RPS6KC1: variants seen among roughly 807,000 people sequenced by gnomAD.
The protein encoded by RPS6KC1 is ribosomal protein S6 kinase C1.
A neutral mutation model predicts 103.8 loss-of-function variants in RPS6KC1; 54 were observed. That is an observed-to-expected ratio of 0.52 (90% CI 0.42 to 0.65). RPS6KC1 has a LOEUF of 0.65. RPS6KC1 is among the 30% of genes least tolerant of loss of function. The pLI, the probability that RPS6KC1 is intolerant of heterozygous loss-of-function variation, is 0.00. For synonymous variants in RPS6KC1, 439 were observed against 438.7 expected (o/e 1.00, Z -0.01); for missense variants, 1,151 against 1,253.8 (o/e 0.92, Z 1.24).
chr1:213,424,820 T>C, the RPS6KC1 span, among the ~76,000 whole-genome samples: 1 of 152,226 alleles, frequency 6.6e-6, no homozygotes, highest in Non-Finnish European at 1.5e-5. Flanking sequence ...CCCATCCTTC[T>C]TCCCTACCTG....
the RPS6KC1 span, among the ~76,000 whole-genome samples, chr1:213,729,361 A>G: frequency 2.6e-5 from 4 of 152,168 alleles, no homozygotes; most frequent in Non-Finnish European, 5.9e-5. Context: ...TCCTGGGGCC[A>G]GTGAATCAAC....
Position 213,231,873 on chromosome 1 carries a change from A to G in RPS6KC1, c.1093-250A>G, listed in dbSNP as rs1477349637. Among the ~76,000 whole-genome samples, 3 of 152,226 alleles carry G rather than the reference A, an allele frequency of 2.0e-5. No individual in the cohort carries two copies. In the East Asian group the frequency reaches 5.8e-4, roughly 29 times the overall value. ...ATGACTTAGTTTGAGAGCATCTCTAATAAAAACACTGACCCACGTAATTGA... is the reference window on the plus strand; with the variant it reads ...ATGACTTAGTTTGAGAGCATCTCTAGTAAAAACACTGACCCACGTAATTGA... On this transcript the variant is annotated intron_variant, in intron 9 of 14. Transcript: ENST00000366960.
intron 3 of RPS6KC1, among the ~76,000 whole-genome samples, chr1:213,097,159 G>T (rs2081537311): frequency 6.6e-6 from 1 of 152,116 alleles, no homozygotes; most frequent in Admixed American, 6.5e-5. Flanking sequence ...TTCAAGACCA[G>T]CCTGGCCAAC....
chr1:213,061,668 C>T (rs1444036632), intron 1 of RPS6KC1, among the ~76,000 whole-genome samples: 2 of 150,560 alleles, frequency 1.3e-5, no homozygotes, highest in Non-Finnish European at 3.0e-5. Context: ...TTTTAAATAT[C>T]TGAAAATCAG....
chr1:213,777,499 C>T, the RPS6KC1 span, among the ~76,000 whole-genome samples: 2 of 152,024 alleles, frequency 1.3e-5, no homozygotes, highest in Admixed American at 6.6e-5. Flanking sequence ...TTTGTGGCAC[C>T]CCAAAACAAT....
At chr1:213,247,981 C>G (rs762304743) in intron 12 of RPS6KC1, among the ~76,000 whole-genome samples, 3 of 151,946 alleles carry the variant, frequency 2.0e-5, no homozygotes, top group Non-Finnish European at 4.4e-5. Context: ...GGAATGAAGC[C>G]AAAACAACTT....
chr1:213,451,161 A>G, the RPS6KC1 span, among the ~76,000 whole-genome samples: 1 of 152,220 alleles, frequency 6.6e-6, no homozygotes, highest in Non-Finnish European at 1.5e-5. Flanking sequence ...AGAATCCGTA[A>G]GGGAGGAGAA....
chr1:213,698,951 A>T, the RPS6KC1 span, among the ~76,000 whole-genome samples: 1 of 151,734 alleles, frequency 6.6e-6, no homozygotes, highest in Non-Finnish European at 1.5e-5. Context: ...ATATATTTTG[A>T]GGGTACGTGA....
intron 3 of RPS6KC1, among the ~76,000 whole-genome samples, chr1:213,102,520 T>C (rs1257863533): frequency 2.0e-5 from 3 of 152,240 alleles, no homozygotes; most frequent in Non-Finnish European, 4.4e-5. Context: ...TTTGTTTATA[T>C]GCTATTTGCC....
chr1:213,149,824 C>T (rs1364040869), intron 6 of RPS6KC1, among the ~76,000 whole-genome samples: 1 of 152,112 alleles, frequency 6.6e-6, no homozygotes, highest in Non-Finnish European at 1.5e-5. Context: ...ATATGGGTAC[C>T]CCAGGGTTAG....
the RPS6KC1 span, among the ~76,000 whole-genome samples, chr1:213,537,361 G>T: frequency 6.6e-6 from 1 of 152,138 alleles, no homozygotes; most frequent in Non-Finnish European, 1.5e-5. Context: ...CAGCTGGTTT[G>T]CTTAATTGGA....
At chr1:213,337,578 A>C in the RPS6KC1 span, among the ~76,000 whole-genome samples, 1 of 152,214 alleles carries the variant, frequency 6.6e-6, no homozygotes. Context: ...TATTGCACTC[A>C]GGGAGTGATC....
At position 213,117,399 on chromosome 1, in the gene RPS6KC1, G is replaced by C; in HGVS notation, c.461G>C (p.Cys154Ser). 1 of 1,598,526 alleles carries C rather than the reference G, an allele frequency of 6.3e-7. No homozygotes were observed. Among genetic ancestry groups the C allele is most frequent in the Non-Finnish European group, 8.6e-7 (1 of 1,167,288 alleles). ...TCCCTCATTGATACCTTTCCTGAGT[G>C]TAGTACGGAAGGTAAGAGATTTTAA... ...SDSLIDTFPE[C>S]STEGFSSDSD... The change falls in exon 5 of 15, where the codon TGT becomes TCT. Residue 154 changes from cysteine (C) to serine (S), a missense_variant. This residue lies in a region of RPS6KC1 where 959 missense variants were observed against 1,006.3 expected (regional missense o/e 0.95). Coordinates refer to ENST00000366960, the MANE Select transcript of RPS6KC1 (RefSeq NM_012424.6).
chr1:213,598,909 A>G, the RPS6KC1 span, among the ~76,000 whole-genome samples: 1 of 152,162 alleles, frequency 6.6e-6, no homozygotes, highest in African/African-American at 2.4e-5. Flanking sequence ...GACAGAGACT[A>G]TGTCTCAAAC....
chr1:213,188,156 C>A (rs889094217), intron 8 of RPS6KC1, among the ~76,000 whole-genome samples: 3 of 152,124 alleles, frequency 2.0e-5, no homozygotes, highest in Admixed American at 6.5e-5. Flanking sequence ...TTGTCTCTGC[C>A]TGTCCTCAGG....
chr1:213,228,273 C>T (rs2094006268), intron 8 of RPS6KC1, among the ~76,000 whole-genome samples: 1 of 152,148 alleles, frequency 6.6e-6, no homozygotes, highest in African/African-American at 2.4e-5. Flanking sequence ...GCAGTAATAG[C>T]AACTAGCTGT....
the RPS6KC1 span, among the ~76,000 whole-genome samples, chr1:213,311,428 G>A: frequency 6.6e-6 from 1 of 152,168 alleles, no homozygotes; most frequent in Admixed American, 6.5e-5. Flanking sequence ...GTGAGCCACC[G>A]TGCCTGGCCG....
the RPS6KC1 span, among the ~76,000 whole-genome samples, chr1:213,569,400 C>T: frequency 6.6e-6 from 1 of 152,172 alleles, no homozygotes. Context: ...ATCCAGTGAT[C>T]AAGGCTGCTT....
intron 6 of RPS6KC1, among the ~76,000 whole-genome samples, chr1:213,130,766 T>G (rs924411225): frequency 6.6e-6 from 1 of 152,206 alleles, no homozygotes; most frequent in Non-Finnish European, 1.5e-5. Flanking sequence ...CCTAACTGCT[T>G]CTTAACCAGG....
Sources: gnomAD v4.1 joint callset for allele counts (sites outside exome capture counted in the v4.1 genomes callset) on GRCh38, gnomAD v4.1.1 for gene constraint, gnomAD v4.1.1 regional missense constraint, MANE v1.5 for transcripts, NCBI Gene and HGNC (gene_info 2026-07-23, HGNC 2026-07-21) for gene names.